MRTFA: variants seen among roughly 807,000 people sequenced by gnomAD.
MRTFA encodes the protein myocardin-related transcription factor A.
Under a neutral mutation model 83.5 loss-of-function variants are expected in MRTFA, and 20 were observed. The ratio of observed to expected loss-of-function variants is 0.24; its 90% CI spans 0.17 to 0.35. The LOEUF is 0.35. MRTFA is among the 10% of genes least tolerant of loss of function. The pLI is 1.00. For missense variants in MRTFA, 1,200 were observed against 1,224.7 expected (o/e 0.98, Z 0.30); for synonymous variants, 659 against 541.2 (o/e 1.22, Z -3.02).
At chr22:40,550,852 C>CTTTTTTTT (rs111531159) in intron 3 of MRTFA, among the ~76,000 whole-genome samples, 2 of 89,514 alleles carry the variant, frequency 2.2e-5, no homozygotes, top group Admixed American at 1.1e-4. Flanking sequence ...TTTCTTTTTT[C>CTTTTTTTT]TTTTTTTTTT....
At chr22:40,457,431 A>T (rs184423675) in intron 4 of MRTFA, among the ~76,000 whole-genome samples, 64 of 107,972 alleles carry the variant, frequency 5.9e-4, no homozygotes, top group African/African-American at 2.3e-3. Flanking sequence ...AATGAAAGAA[A>T]GAAAGAGAAA....
At chr22:40,481,570 G>A (rs929674467) in intron 3 of MRTFA, among the ~76,000 whole-genome samples, 1 of 152,110 alleles carries the variant, frequency 6.6e-6, no homozygotes, top group Non-Finnish European at 1.5e-5. Flanking sequence ...AGAGAACAGA[G>A]AGTGACAGGG....
At chr22:40,589,272 A>G (rs2056081422) in intron 2 of MRTFA, among the ~76,000 whole-genome samples, 1 of 152,148 alleles carries the variant, frequency 6.6e-6, no homozygotes, top group Non-Finnish European at 1.5e-5. Flanking sequence ...TACAGCTTAT[A>G]AAGGAAAAAA....
chr22:40,493,431 G>T (rs1393200318), intron 3 of MRTFA, among the ~76,000 whole-genome samples: 1 of 152,172 alleles, frequency 6.6e-6, no homozygotes, highest in African/African-American at 2.4e-5. Context: ...CATCTGCCAT[G>T]ACCTCTACTC....
chr22:40,535,357 TTTTTTTTTC>T lies in MRTFA; in HGVS notation c.241+16740_241+16748del, dbSNP rs962349750. On this transcript the variant is annotated intron_variant, in intron 3 of 14. Transcript: ENST00000355630. ...GTGTGAGAGGTTTTTTCTTTTTTTT[TTTTTTTTTC>T]TTTTTGAGACTAGGTCTCACTCTGT... 4.3e-4 allele frequency among the ~76,000 whole-genome samples: 58 copies of T among 136,380 alleles called. 2 individuals are homozygous for T. Among genetic ancestry groups the T allele is most frequent in the African/African-American group, 1.5e-3 (54 of 35,300 alleles). The allele number at this position is 136,380 out of a possible 152,430, so 89.5% of individuals were successfully genotyped here.
chr22:40,619,713 C>A (rs1419418659), intron 1 of MRTFA, among the ~76,000 whole-genome samples: 1 of 151,584 alleles, frequency 6.6e-6, no homozygotes, highest in East Asian at 2.0e-4. Context: ...CACAGTGAAA[C>A]CCCGTCTCTA....
chr22:40,588,551 C>T (rs974584161), intron 2 of MRTFA, among the ~76,000 whole-genome samples: 1 of 152,106 alleles, frequency 6.6e-6, no homozygotes, highest in Non-Finnish European at 1.5e-5. Context: ...CCATTGAGAA[C>T]CACTGAAAAA....
chr22:40,442,573 C>G (rs2053297474), intron 4 of MRTFA, among the ~76,000 whole-genome samples: 1 of 130,120 alleles, frequency 7.7e-6, no homozygotes, highest in Non-Finnish European at 1.6e-5. Context: ...AATAAGCAGC[C>G]CTTAAGTAAG....
At chr22:40,517,966 C>T (rs991614131) in intron 3 of MRTFA, among the ~76,000 whole-genome samples, 4 of 151,988 alleles carry the variant, frequency 2.6e-5, no homozygotes, top group Non-Finnish European at 4.4e-5. Flanking sequence ...TCCATAGAAA[C>T]CAAAAAGGAC....
At chr22:40,489,059 T>G (rs1159394064) in intron 3 of MRTFA, among the ~76,000 whole-genome samples, 4 of 151,988 alleles carry the variant, frequency 2.6e-5, no homozygotes, top group African/African-American at 9.7e-5. Flanking sequence ...TTCATGCAGA[T>G]GTGATTGATG....
intron 2 of MRTFA, among the ~76,000 whole-genome samples, chr22:40,565,249 A>G (rs1205753170): frequency 6.6e-6 from 1 of 152,126 alleles, no homozygotes; most frequent in Non-Finnish European, 1.5e-5. Flanking sequence ...GGAACTCATG[A>G]AGACCTCCTG....
chr22:40,472,536 A>G (rs556466543), intron 3 of MRTFA, among the ~76,000 whole-genome samples: 14 of 152,184 alleles, frequency 9.2e-5, no homozygotes, highest in Non-Finnish European at 1.6e-4. Flanking sequence ...CATTTTTAAT[A>G]TTTTTTCACA....
At chr22:40,629,401 G>A (rs936792010) in intron 1 of MRTFA, among the ~76,000 whole-genome samples, 3 of 148,652 alleles carry the variant, frequency 2.0e-5, no homozygotes, top group East Asian at 2.0e-4. Context: ...AGCCAAGATC[G>A]AACCACTGCA....
At chr22:40,614,914 A>C (rs999437352) in intron 1 of MRTFA, among the ~76,000 whole-genome samples, 1 of 152,158 alleles carries the variant, frequency 6.6e-6, no homozygotes, top group Non-Finnish European at 1.5e-5. Flanking sequence ...GCATGTGTAA[A>C]TATTTCCTCC....
chr22:40,431,325 G>T, intron 6 of MRTFA, 80 bp downstream of exon 6: 1 of 1,329,830 alleles, frequency 7.5e-7, no homozygotes, highest in Non-Finnish European at 1.1e-6. Flanking sequence ...GAAAGAGGCA[G>T]GAAGGAAATG....
chr22:40,529,885 T>C (rs1207419135), intron 3 of MRTFA, among the ~76,000 whole-genome samples: 1 of 152,154 alleles, frequency 6.6e-6, no homozygotes, highest in Non-Finnish European at 1.5e-5. Flanking sequence ...TCCCCTTTAT[T>C]GAGGCAGCCA....
chr22:40,617,465 G>A (rs950302880), intron 1 of MRTFA, among the ~76,000 whole-genome samples: 5 of 151,886 alleles, frequency 3.3e-5, no homozygotes, highest in Admixed American at 6.6e-5. Flanking sequence ...GGTGGCTCAC[G>A]CCTGTAATGC....
At chr22:40,595,163 G>A (rs1413347297) in intron 1 of MRTFA, among the ~76,000 whole-genome samples, 4 of 136,934 alleles carry the variant, frequency 2.9e-5, no homozygotes, top group South Asian at 2.3e-4. Flanking sequence ...CTCTGTCGCC[G>A]GGCTGGAATG....
At position 40,435,482 on chromosome 22, in the gene MRTFA, GAA is replaced by G; in HGVS notation, c.363+15_363+16del. ...AATGCTCTTTGGGAGTTCTGAGGGG[GAA>G]AAAAGGTACCTTACCCTGGCCCGCT... On this transcript the variant is annotated intron_variant, in intron 5 of 14. Transcript: ENST00000355630. 1.2e-6 allele frequency: 2 copies of G among 1,613,634 alleles called. No homozygotes were observed. Among genetic ancestry groups the G allele is most frequent in the Non-Finnish European group, 1.7e-6 (2 of 1,179,598 alleles).
Sources: gnomAD v4.1 joint callset for allele counts (sites outside exome capture counted in the v4.1 genomes callset) on GRCh38, gnomAD v4.1.1 for gene constraint, MANE v1.5 for transcripts, NCBI Gene and HGNC (gene_info 2026-07-23, HGNC 2026-07-21) for gene names.